Variants in FARP1 observed in about 807,000 individuals in gnomAD.
FARP1 encodes FERM, ARH/RhoGEF and pleckstrin domain protein 1, also known as FERM, ARHGEF and pleckstrin domain-containing protein 1.
In FARP1, 52 loss-of-function variants were observed where a neutral mutation model predicts 128.8. The observed-to-expected ratio is 0.40, with a 90% CI of 0.32 to 0.51. The LOEUF is 0.51. Ranked by LOEUF, FARP1 falls within the 20% of genes least tolerant of loss-of-function variation. The pLI is 0.45. For synonymous variants in FARP1, 580 were observed against 551.8 expected (o/e 1.05, Z -0.72); for missense variants, 1,333 against 1,367.9 (o/e 0.97, Z 0.40).
chr13:98,384,113 A>G (rs987937133), intron 6 of FARP1: 2 of 148,840 alleles, frequency 1.3e-5, no homozygotes, highest in Non-Finnish European at 3.0e-5. Flanking sequence ...ACTGCCAAGA[A>G]CCTCCCCAGG....
At chr13:98,235,652 C>T (rs1384457540) in intron 2 of FARP1, among the ~76,000 whole-genome samples, 8 of 152,120 alleles carry the variant, frequency 5.3e-5, no homozygotes, top group African/African-American at 1.7e-4. Context: ...TAAGTATATT[C>T]ACGTTGCTAT....
chr13:98,178,806 G>T lies in FARP1; in HGVS notation c.-23-34414G>T, dbSNP rs573956280. Among the ~76,000 whole-genome samples, 171 of 152,320 alleles carry T rather than the reference G, an allele frequency of 1.1e-3. 5 individuals carry two copies. Among genetic ancestry groups the T allele is most frequent in the South Asian group, 4.6e-3 (22 of 4,830 alleles). On this transcript the variant is annotated intron_variant, in intron 1 of 26. Coordinates refer to ENST00000319562, the MANE Select transcript of FARP1 (RefSeq NM_005766.4). ...GTGATGAATAAGCTTACAGTGTAAA[G>T]AACAATTCATCATTTGTCAGTTTTC...
chr13:98,239,108 A>G (rs561160775), intron 2 of FARP1, among the ~76,000 whole-genome samples: 1 of 152,340 alleles, frequency 6.6e-6, no homozygotes, highest in African/African-American at 2.4e-5. Context: ...GACTACTTTC[A>G]GCATATTTTT....
chr13:98,364,802 T>C (rs1889015479), intron 3 of FARP1, among the ~76,000 whole-genome samples: 1 of 152,204 alleles, frequency 6.6e-6, no homozygotes, highest in Non-Finnish European at 1.5e-5. Context: ...TTAGACTGGA[T>C]TTCAGTCCTA....
intron 2 of FARP1, among the ~76,000 whole-genome samples, chr13:98,231,237 G>A (rs1837932648): frequency 6.6e-6 from 1 of 152,026 alleles, no homozygotes; most frequent in Admixed American, 6.5e-5. Flanking sequence ...CGGCCAAGCT[G>A]ATATTTGGAC....
chr13:98,209,346 G>A (rs867496198), intron 1 of FARP1, among the ~76,000 whole-genome samples: 1 of 151,912 alleles, frequency 6.6e-6, no homozygotes. Flanking sequence ...GAAGTTTCCA[G>A]GTGAAGAAAG....
chr13:98,253,234 T>C (rs957811747), intron 2 of FARP1, among the ~76,000 whole-genome samples: 1 of 152,232 alleles, frequency 6.6e-6, no homozygotes, highest in Non-Finnish European at 1.5e-5. Context: ...TAAATGCTTG[T>C]TGGCAAGTAG....
Position 98,295,104 on chromosome 13 carries a change from C to CAT in FARP1, c.172-48653_172-48652dup, listed in dbSNP as rs199654031. On this transcript the variant is annotated intron_variant, in intron 2 of 26. Transcript: ENST00000319562. ...ACACACACACACACACACACACACA[C>CAT]ATATATCCCCAGGCATTATTTATTT... 4.3e-4 allele frequency among the ~76,000 whole-genome samples: 11 copies of CAT among 25,500 alleles called. 1 individual carries two copies. Among genetic ancestry groups the CAT allele is most frequent in the Admixed American group, 1.2e-3 (3 of 2,598 alleles). The allele number at this position is 25,500 out of a possible 152,430, so 16.7% of individuals were successfully genotyped here.
chr13:98,322,255 A>C (rs1287568459), intron 2 of FARP1, among the ~76,000 whole-genome samples: 3 of 152,184 alleles, frequency 2.0e-5, no homozygotes, highest in Admixed American at 6.5e-5. Context: ...TGGAGATTGC[A>C]CCATTGCACT....
chr13:98,326,497 T>A (rs1489605846), intron 2 of FARP1, among the ~76,000 whole-genome samples: 1 of 152,230 alleles, frequency 6.6e-6, no homozygotes, highest in East Asian at 1.9e-4. Flanking sequence ...AAGCACCATT[T>A]TGTTTTCTGT....
chr13:98,188,516 A>G (rs1879027459), intron 1 of FARP1, among the ~76,000 whole-genome samples: 1 of 152,140 alleles, frequency 6.6e-6, no homozygotes, highest in Non-Finnish European at 1.5e-5. Flanking sequence ...AGCCGAGATC[A>G]TGCCATTACA....
chr13:98,210,911 A>G (rs1273881059), intron 1 of FARP1, among the ~76,000 whole-genome samples: 1 of 152,112 alleles, frequency 6.6e-6, no homozygotes, highest in Admixed American at 6.5e-5. Flanking sequence ...TAGTTTTTCC[A>G]CAGAAGTAGA....
chr13:98,271,548 C>T (rs1884391846), intron 2 of FARP1, among the ~76,000 whole-genome samples: 1 of 152,180 alleles, frequency 6.6e-6, no homozygotes, highest in African/African-American at 2.4e-5. Flanking sequence ...TGTCCTAATG[C>T]TGTCCCTGCC....
chr13:98,252,283 A>C (rs1020661542), intron 2 of FARP1, among the ~76,000 whole-genome samples: 4 of 152,236 alleles, frequency 2.6e-5, no homozygotes, highest in African/African-American at 9.6e-5. Context: ...CTTCCTGACT[A>C]TTCAATGTGA....
chr13:98,412,550 C>T (rs1001594788), intron 16 of FARP1, among the ~76,000 whole-genome samples: 5 of 152,200 alleles, frequency 3.3e-5, no homozygotes, highest in African/African-American at 7.2e-5. Flanking sequence ...TGTTTTAATA[C>T]ATGAAATGCC....
chr13:98,166,925 C>T (rs1444781068), intron 1 of FARP1, among the ~76,000 whole-genome samples: 1 of 152,008 alleles, frequency 6.6e-6, no homozygotes, highest in Non-Finnish European at 1.5e-5. Context: ...TTGGGTTTTG[C>T]CATGTGTCCC....
At chr13:98,354,707 A>G (rs1888571708) in intron 3 of FARP1, among the ~76,000 whole-genome samples, 1 of 152,252 alleles carries the variant, frequency 6.6e-6, no homozygotes, top group Admixed American at 6.5e-5. Context: ...AAGTATAAAA[A>G]TATTCTTTGC....
chr13:98,235,585 G>A (rs1434571092), intron 2 of FARP1, among the ~76,000 whole-genome samples: 1 of 152,084 alleles, frequency 6.6e-6, no homozygotes, highest in Non-Finnish European at 1.5e-5. Context: ...GAGTGGGTGG[G>A]ATGTCATAAA....
At chr13:98,178,075 A>C (rs550962184) in intron 1 of FARP1, 1 of 152,278 alleles carries the variant, frequency 6.6e-6, no homozygotes, top group South Asian at 2.1e-4. Flanking sequence ...AATAAAAGTA[A>C]CACATGTAAA....
Sources: allele counts gnomAD v4.1 joint callset (sites outside exome capture counted in the v4.1 genomes callset), GRCh38; gene constraint gnomAD v4.1.1; transcripts MANE v1.5; gene names NCBI Gene and HGNC (gene_info 2026-07-23, HGNC 2026-07-21).